GRIN2B: variants seen among roughly 807,000 people sequenced by gnomAD.
The protein encoded by GRIN2B is glutamate receptor ionotropic, NMDA 2B.
GRIN2B carries 5 observed loss-of-function variants against 114.5 expected under a neutral mutation model. That is an observed-to-expected ratio of 0.04 (90% CI 0.02 to 0.09). The LOEUF (loss-of-function observed/expected upper bound fraction) is 0.09, where lower values mean the gene tolerates loss of function less well. Ranked by LOEUF, GRIN2B falls within the 10% of genes least tolerant of loss-of-function variation. The pLI is 1.00. For missense variants in GRIN2B, 1,108 were observed against 1,943.5 expected, an observed-to-expected ratio of 0.57 and a Z score of 8.08; for synonymous variants, 787 against 745.1, an observed-to-expected ratio of 1.06 and a Z score of -0.92.
At chr12:13,701,694 T>C (rs191260569) in intron 4 of GRIN2B, among the ~76,000 whole-genome samples, 2 of 152,200 alleles carry the variant, frequency 1.3e-5, no homozygotes, top group East Asian at 3.9e-4. Context: ...TGATGAAGAC[T>C]GGATGACTAG....
In GRIN2B at chr12:13,800,662, T is replaced by C. The variant is rs1458123866; in HGVS notation, c.412-46747A>G. On this transcript the variant is annotated intron_variant, in intron 3 of 13. Coordinates refer to ENST00000609686, the MANE Select transcript of GRIN2B (RefSeq NM_000834.5). ...ATGAACATGGCATCCTTGTTCAGCA[T>C]ACTGTTACAGTGAAAATAATAGTCT... is the stretch of plus-strand genomic sequence containing the variant. Among the ~76,000 whole-genome samples, 3 of 152,226 alleles carry C rather than the reference T, an allele frequency of 2.0e-5. No individual in the cohort carries two copies. The East Asian group carries it at 5.8e-4, about 29-fold the overall frequency.
At chr12:13,592,071 C>T (rs1020219627) in intron 10 of GRIN2B, among the ~76,000 whole-genome samples, 5 of 152,172 alleles carry the variant, frequency 3.3e-5, no homozygotes, top group African/African-American at 1.2e-4. Context: ...ATGTCTCTTG[C>T]CTCAAGGAGC....
At chr12:13,785,132 A>T (rs1298980865) in intron 3 of GRIN2B, among the ~76,000 whole-genome samples, 1 of 152,232 alleles carries the variant, frequency 6.6e-6, no homozygotes, top group Admixed American at 6.5e-5. Flanking sequence ...CTTATCATTA[A>T]TTCAATTATA....
At chr12:13,926,291 C>T (rs1866909209) in intron 2 of GRIN2B, among the ~76,000 whole-genome samples, 1 of 152,182 alleles carries the variant, frequency 6.6e-6, no homozygotes, top group Non-Finnish European at 1.5e-5. Flanking sequence ...ATCTATCCCC[C>T]GTTCGTCACT....
Position 13,611,708 on chromosome 12 carries a change from G to C in GRIN2B, c.1780+17C>G. 1 of 1,613,138 alleles carries C rather than the reference G, an allele frequency of 6.2e-7. No homozygotes were observed. Among genetic ancestry groups the C allele is most frequent in the South Asian group, 1.1e-5 (1 of 91,040 alleles). On this transcript the variant is annotated intron_variant, in intron 9 of 13. Transcript: ENST00000609686. ...AGAAAAAAACTGGGGAAGTGCAGCG[G>C]TTCCAGCCGGCCTTACCTCTGCCAT...
chr12:13,844,517 T>A lies in GRIN2B; in HGVS notation c.411+21281A>T, dbSNP rs139324244. Among the ~76,000 whole-genome samples the A allele has an allele frequency of 4.6e-3, 694 of 152,334 alleles. 3 individuals are homozygous for A. The highest frequency in any genetic ancestry group is 0.013 in the South Asian group (65 of 4,832). ...GAATTCCGTGGCCAAATCCTCTGCA[T>A]TCCATTTGACTCCCCTGTGCTGACA... On this transcript the variant is annotated intron_variant, in intron 3 of 13. Transcript: ENST00000609686.
At chr12:13,834,218 T>TTTTTTTTTTTTTTTTTTTC (rs1565555844) in intron 3 of GRIN2B, among the ~76,000 whole-genome samples, 36 of 146,596 alleles carry the variant, frequency 2.5e-4, no homozygotes, top group African/African-American at 9.3e-4. Flanking sequence ...TTTTTTTTTT[T>TTTTTTTTTTTTTTTTTTTC]AGTAGAGATG....
At chr12:13,656,755 T>C (rs1206081674) in intron 5 of GRIN2B, among the ~76,000 whole-genome samples, 1 of 152,190 alleles carries the variant, frequency 6.6e-6, no homozygotes, top group East Asian at 1.9e-4. Context: ...AATAAATAGA[T>C]GTCACTAAAA....
At chr12:13,957,495 G>A (rs758267190) in intron 2 of GRIN2B, among the ~76,000 whole-genome samples, 4 of 152,158 alleles carry the variant, frequency 2.6e-5, no homozygotes, top group Non-Finnish European at 5.9e-5. Flanking sequence ...CACTGGGCCA[G>A]ATGGAGAAGG....
chr12:13,858,908 C>A (rs529669092), intron 3 of GRIN2B, among the ~76,000 whole-genome samples: 1 of 152,272 alleles, frequency 6.6e-6, no homozygotes, highest in African/African-American at 2.4e-5. Context: ...GTTTATCCAC[C>A]ATGTCTAAAT....
At chr12:13,794,207 C>A (rs866896392) in intron 3 of GRIN2B, among the ~76,000 whole-genome samples, 1,000 of 102,678 alleles carry the variant, frequency 9.7e-3, no homozygotes, top group South Asian at 0.014. Context: ...GACTCTGTCT[C>A]AAAAAAAAAA....
At chr12:13,729,612 T>C (rs761619415) in intron 4 of GRIN2B, among the ~76,000 whole-genome samples, 93 of 151,916 alleles carry the variant, frequency 6.1e-4, no homozygotes, top group African/African-American at 2.2e-3. Flanking sequence ...CAACAGAATA[T>C]GTAGGAAAGA....
chr12:13,621,967 C>G (rs1202238944), intron 5 of GRIN2B, among the ~76,000 whole-genome samples: 1 of 151,682 alleles, frequency 6.6e-6, no homozygotes, highest in Middle Eastern at 3.4e-3. Context: ...TTTGTCCCCC[C>G]ACCATGAACA....
Position 13,547,799 on chromosome 12 carries a change from T to A in GRIN2B, c.*14984A>T, listed in dbSNP as rs565088025. The A allele has an allele frequency of 4.6e-5, 7 of 151,978 alleles. No homozygotes were observed. In the East Asian group the frequency reaches 1.4e-3, roughly 29 times the overall value. The allele number at this position is 151,978 out of a possible 1,614,324, so 9.4% of individuals were successfully genotyped here. ...ATTCTTTTGGAAGTTATTGGGCATC[T>A]GCATTTTCCCAGGAGACTTCTCTCC... On this transcript the variant is annotated 3_prime_UTR_variant, in exon 14 of 14. Coordinates refer to ENST00000609686, the MANE Select transcript of GRIN2B (RefSeq NM_000834.5).
chr12:13,957,196 C>G (rs868371148), intron 2 of GRIN2B, among the ~76,000 whole-genome samples: 7 of 152,184 alleles, frequency 4.6e-5, no homozygotes, highest in African/African-American at 4.8e-5. Flanking sequence ...CCACTGGACT[C>G]GGCTCAGCTG....
intron 3 of GRIN2B, among the ~76,000 whole-genome samples, chr12:13,840,381 G>T (rs542457394): frequency 6.6e-6 from 1 of 152,254 alleles, no homozygotes; most frequent in South Asian, 2.1e-4. Flanking sequence ...TTAGGAGGTG[G>T]CAGTAAATGA....
intron 5 of GRIN2B, among the ~76,000 whole-genome samples, chr12:13,660,581 GAGA>G (rs1949912106): frequency 6.6e-6 from 1 of 152,314 alleles, no homozygotes; most frequent in East Asian, 1.9e-4. Context: ...CTGGGGATCA[GAGA>G]AGAAGAGGTT....
intron 3 of GRIN2B, among the ~76,000 whole-genome samples, chr12:13,837,756 C>T (rs1865302104): frequency 6.6e-6 from 1 of 152,070 alleles, no homozygotes; most frequent in Non-Finnish European, 1.5e-5. Context: ...AAAGGCAGGG[C>T]TCAGCAGCTG....
In GRIN2B at chr12:13,624,874, T is replaced by C. The variant is rs192870004; in HGVS notation, c.1126-8217A>G. ...TAGGCACTGCCCTCTGAGTGACTCT[T>C]CTTCGCTGCTTATCCTCCTTCCATC... On this transcript the variant is annotated intron_variant, in intron 5 of 13. Coordinates refer to ENST00000609686, the MANE Select transcript of GRIN2B (RefSeq NM_000834.5). Among the ~76,000 whole-genome samples the C allele has an allele frequency of 3.5e-3, 528 of 152,342 alleles. 1 individual carries two copies. Among genetic ancestry groups the C allele is most frequent in the Middle Eastern group, 0.014 (4 of 294 alleles).
Sources: allele counts gnomAD v4.1 joint callset (sites outside exome capture counted in the v4.1 genomes callset), GRCh38; gene constraint gnomAD v4.1.1; transcripts MANE v1.5; gene names NCBI Gene and HGNC (gene_info 2026-07-23, HGNC 2026-07-21).